Variants in IMMP1L observed in about 807,000 individuals in gnomAD.
IMMP1L encodes inner mitochondrial membrane peptidase subunit 1.
A neutral mutation model predicts 21.8 loss-of-function variants in IMMP1L; 24 were observed. The ratio of observed to expected loss-of-function variants is 1.10; its 90% CI spans 0.80 to 1.55. The LOEUF (loss-of-function observed/expected upper bound fraction) is 1.55, where lower values mean the gene tolerates loss of function less well. Among genes scored for constraint, IMMP1L ranks in the 40% most tolerant of loss-of-function variants. IMMP1L has a pLI of 0.00. For synonymous variants in IMMP1L, 46 were observed against 62.8 expected (o/e 0.73, Z 1.26); for missense variants, 195 against 200.7 (o/e 0.97, Z 0.17).
At chr11:31,473,035 TTTGTTGTTG>T (rs1240626956) in intron 1 of IMMP1L, among the ~76,000 whole-genome samples, 2 of 151,040 alleles carry the variant, frequency 1.3e-5, no homozygotes, top group South Asian at 4.2e-4. Flanking sequence ...ACGGCTAATT[TTTGTTGTTG>T]TTGTTGTTGT....
At chr11:31,468,391 A>T (rs2133694245) in intron 1 of IMMP1L, among the ~76,000 whole-genome samples, 1 of 152,318 alleles carries the variant, frequency 6.6e-6, no homozygotes, top group Non-Finnish European at 1.5e-5. Context: ...ACAAATTGAT[A>T]CACACATATA....
At chr11:31,467,238 A>G (rs971182541) in intron 1 of IMMP1L, among the ~76,000 whole-genome samples, 6 of 152,184 alleles carry the variant, frequency 3.9e-5, no homozygotes, top group African/African-American at 1.4e-4. Flanking sequence ...AAACAAATTT[A>G]CTTAAATAAG....
chr11:31,509,371 GAA>G (rs2133858491), intron 1 of IMMP1L, 146 bp downstream of exon 1: 1 of 170,792 alleles, frequency 5.9e-6, no homozygotes, highest in Non-Finnish European at 1.3e-5. Context: ...AAATGAGCAG[GAA>G]AAAAGTCTAT....
chr11:31,453,423 C>G (rs1047455254), intron 4 of IMMP1L, among the ~76,000 whole-genome samples: 3 of 152,124 alleles, frequency 2.0e-5, no homozygotes, highest in African/African-American at 7.2e-5. Flanking sequence ...GCAGCTCAAT[C>G]AAGATATGAA....
At chr11:31,486,776 G>A (rs1473695006) in intron 1 of IMMP1L, among the ~76,000 whole-genome samples, 1 of 151,664 alleles carries the variant, frequency 6.6e-6, no homozygotes, top group East Asian at 1.9e-4. Context: ...ATAACTACAT[G>A]GATAACTCTT....
intron 4 of IMMP1L, among the ~76,000 whole-genome samples, chr11:31,446,970 A>G (rs1953547918): frequency 6.6e-6 from 1 of 152,216 alleles, no homozygotes; most frequent in Non-Finnish European, 1.5e-5. Flanking sequence ...CCTCAGACAC[A>G]CTAGCCATGC....
chr11:31,488,326 TGACAG>T (rs1955149527), intron 1 of IMMP1L: 1 of 152,198 alleles, frequency 6.6e-6, no homozygotes, highest in Non-Finnish European at 1.5e-5. Flanking sequence ...TATGACTGAA[TGACAG>T]TTGTAACGGT....
chr11:31,500,866 G>T (rs1337577536), intron 1 of IMMP1L, among the ~76,000 whole-genome samples: 1 of 152,138 alleles, frequency 6.6e-6, no homozygotes, highest in African/African-American at 2.4e-5. Flanking sequence ...TTGAAAAGTT[G>T]TAACAGAGAC....
intron 1 of IMMP1L, chr11:31,477,360 C>T (rs1361675002): frequency 5.7e-6 from 1 of 175,814 alleles, no homozygotes; most frequent in South Asian, 1.9e-4. Flanking sequence ...CATCATTGAT[C>T]AACTTTTCTA....
intron 2 of IMMP1L, among the ~76,000 whole-genome samples, chr11:31,462,470 GTCAA>G (rs1257003010): frequency 1.3e-5 from 2 of 151,716 alleles, no homozygotes; most frequent in Non-Finnish European, 2.9e-5. Flanking sequence ...TGACTGGCTG[GTCAA>G]TCAATTTATT....
At chr11:31,469,991 C>T (rs1480304364) in intron 1 of IMMP1L, among the ~76,000 whole-genome samples, 6 of 151,954 alleles carry the variant, frequency 3.9e-5, no homozygotes, top group Non-Finnish European at 8.8e-5. Context: ...GAAAATATAC[C>T]TCAAAAGCTA....
chr11:31,463,053 C>T (rs1954204996), intron 2 of IMMP1L, 119 bp downstream of exon 2: 2 of 719,826 alleles, frequency 2.8e-6, no homozygotes, highest in South Asian at 2.5e-5. Context: ...TATGTTTTAA[C>T]TTTCACAGTT....
At chr11:31,458,243 C>T (rs1017426043) in intron 3 of IMMP1L, among the ~76,000 whole-genome samples, 12 of 152,044 alleles carry the variant, frequency 7.9e-5, no homozygotes, top group African/African-American at 2.7e-4. Context: ...TACATATCGG[C>T]TGGATTCTTA....
At chr11:31,486,246 G>A (rs548377387) in intron 1 of IMMP1L, among the ~76,000 whole-genome samples, 1 of 151,986 alleles carries the variant, frequency 6.6e-6, no homozygotes, top group Admixed American at 6.6e-5. Context: ...AACTGCCAAA[G>A]TAGATAGGTT....
chr11:31,472,418 GT>G (rs1954584465), intron 1 of IMMP1L, among the ~76,000 whole-genome samples: 1 of 152,178 alleles, frequency 6.6e-6, no homozygotes, highest in Admixed American at 6.5e-5. Flanking sequence ...AGTTCTCCAA[GT>G]GACTGCTCTA....
intron 1 of IMMP1L, among the ~76,000 whole-genome samples, chr11:31,487,793 A>G (rs1955132657): frequency 6.6e-6 from 1 of 152,196 alleles, no homozygotes; most frequent in Non-Finnish European, 1.5e-5. Context: ...CAGTGTGTAC[A>G]GTTATTCCAA....
chr11:31,456,622 A>G (rs79399894), intron 3 of IMMP1L, among the ~76,000 whole-genome samples: 62 of 152,272 alleles, frequency 4.1e-4, no homozygotes, highest in Non-Finnish European at 7.4e-4. Context: ...ATAATTTCAG[A>G]AGATTCTAAA....
chr11:31,502,169 ATTAT>A (rs1955642973), intron 1 of IMMP1L, among the ~76,000 whole-genome samples: 1 of 152,210 alleles, frequency 6.6e-6, no homozygotes. Context: ...TGTGGAAGAG[ATTAT>A]AATTCAAGGT....
At chr11:31,494,065 C>T (rs1346526395) in intron 1 of IMMP1L, among the ~76,000 whole-genome samples, 3 of 152,212 alleles carry the variant, frequency 2.0e-5, no homozygotes, top group Non-Finnish European at 4.4e-5. Flanking sequence ...AGGACCATGG[C>T]CCTCTTCTCA....
Sources: allele counts gnomAD v4.1 joint callset (sites outside exome capture counted in the v4.1 genomes callset), GRCh38; gene constraint gnomAD v4.1.1; transcripts MANE v1.5; gene names NCBI Gene and HGNC (gene_info 2026-07-23, HGNC 2026-07-21).